The following NR1H4 variants were observed in gnomAD, a reference collection of about 807,000 sequenced individuals.
NR1H4 encodes nuclear receptor subfamily 1 group H member 4, also known as bile acid receptor.
A neutral mutation model predicts 58.5 loss-of-function variants in NR1H4; 23 were observed. The ratio of observed to expected loss-of-function variants is 0.39; its 90% CI spans 0.28 to 0.56. The LOEUF (loss-of-function observed/expected upper bound fraction) is 0.56. NR1H4 is among the 20% of genes least tolerant of loss of function. The pLI is 0.58. For missense variants in NR1H4, 487 were observed against 576.9 expected (o/e 0.84, Z 1.60); for synonymous variants, 214 against 198.0 (o/e 1.08, Z -0.68).
chr12:100,553,169 G>T (rs925824811), intron 9 of NR1H4, among the ~76,000 whole-genome samples: 14 of 152,012 alleles, frequency 9.2e-5, no homozygotes, highest in Non-Finnish European at 1.5e-4. Flanking sequence ...TAGCTAATTT[G>T]TTGTATTTTT....
chr12:100,526,727 A>G (rs940736084), intron 4 of NR1H4, among the ~76,000 whole-genome samples: 1 of 152,160 alleles, frequency 6.6e-6, no homozygotes, highest in African/African-American at 2.4e-5. Context: ...GAGCTACATC[A>G]TTAGAGATCT....
intron 4 of NR1H4, among the ~76,000 whole-genome samples, chr12:100,513,834 AAGGAAGGAAGGAAGG>A: frequency 7.1e-6 from 1 of 141,014 alleles, no homozygotes; most frequent in Non-Finnish European, 1.5e-5. Context: ...GGAAGGAAGG[AAGGAAGGAAGGAAGG>A]AAGGAAGGAA....
Position 100,474,657 on chromosome 12 carries a change from G to A in NR1H4, c.-190+598G>A, listed in dbSNP as rs59663433. Among the ~76,000 whole-genome samples, 1,109 of 152,288 alleles carry A rather than the reference G, an allele frequency of 7.3e-3. 12 individuals carry two copies. Among genetic ancestry groups the A allele is most frequent in the African/African-American group, 0.025 (1,055 of 41,550 alleles). ...TAAAAGATAGAAATGTGAGTATGAC[G>A]AAGAACTTTAGTAATAAAATTGTCC... On this transcript the variant is annotated intron_variant, in intron 1 of 10. Coordinates refer to ENST00000392986, the MANE Select transcript of NR1H4 (RefSeq NM_001206979.2).
intron 9 of NR1H4, among the ~76,000 whole-genome samples, chr12:100,546,886 C>G (rs985718057): frequency 1.1e-4 from 17 of 152,096 alleles, no homozygotes; most frequent in African/African-American, 3.9e-4. Flanking sequence ...AACTCTTTGT[C>G]TTTCTTTCAC....
At chr12:100,495,740 C>CA (rs201311922) in intron 3 of NR1H4, among the ~76,000 whole-genome samples, 5,174 of 146,574 alleles carry the variant, frequency 0.035, 239 homozygotes, top group African/African-American at 0.11. Context: ...GAAAAACAAA[C>CA]AAAAAAAAAA....
chr12:100,508,189 T>G (rs760329522), intron 3 of NR1H4, among the ~76,000 whole-genome samples: 8 of 151,698 alleles, frequency 5.3e-5, no homozygotes, highest in Non-Finnish European at 1.2e-4. Context: ...TGGACATTAG[T>G]GAGATGAAGC....
At chr12:100,511,308 T>C (rs1477679528) in intron 4 of NR1H4, among the ~76,000 whole-genome samples, 165 bp downstream of exon 4, 1 of 152,266 alleles carries the variant, frequency 6.6e-6, no homozygotes. Flanking sequence ...CAAAGATCTG[T>C]AGGAAAAGAC....
chr12:100,523,000 T>C (rs936868897), intron 4 of NR1H4, among the ~76,000 whole-genome samples: 1 of 152,202 alleles, frequency 6.6e-6, no homozygotes, highest in African/African-American at 2.4e-5. Flanking sequence ...AATTGTGAAT[T>C]GGGTTGCAAT....
At position 100,510,868 on chromosome 12, in the gene NR1H4, T is replaced by C; in HGVS notation, c.170T>C (p.Val57Ala). ...TACAGCAATGTTCAGTTTCCCCAAG[T>C]TCAACCACAGATTTCCTCGTCATCC... Reference protein sequence around the residue: ...SQYSNVQFPQVQPQISSSSYY... With the variant: ...SQYSNVQFPQAQPQISSSSYY... Residue 57 changes from valine (V) to alanine (A), a missense_variant, in exon 4 of 11, where the codon GTT becomes GCT. Coordinates refer to ENST00000392986, the MANE Select transcript of NR1H4 (RefSeq NM_001206979.2). The C allele has an allele frequency of 6.2e-7, 1 of 1,614,162 alleles. No individual in the cohort carries two copies. The highest frequency in any genetic ancestry group is 8.5e-7 in the Non-Finnish European group (1 of 1,180,030).
chr12:100,524,836 C>T (rs74583193), intron 4 of NR1H4, among the ~76,000 whole-genome samples: 1,534 of 152,132 alleles, frequency 0.01, 27 homozygotes, highest in African/African-American at 0.035. Context: ...TCTTCCCTCC[C>T]AACAAACATG....
chr12:100,503,315 G>A, intron 3 of NR1H4: 2 of 1,527,994 alleles, frequency 1.3e-6, no homozygotes, highest in Non-Finnish European at 1.8e-6. Context: ...AAGTTAATCA[G>A]TAAACCACAC....
intron 4 of NR1H4, among the ~76,000 whole-genome samples, chr12:100,511,574 A>G (rs990961002): frequency 2.0e-5 from 3 of 152,138 alleles, no homozygotes; most frequent in Non-Finnish European, 2.9e-5. Flanking sequence ...CATGTACTTT[A>G]GTTAATTGAG....
At chr12:100,526,193 A>T (rs905938290) in intron 4 of NR1H4, among the ~76,000 whole-genome samples, 5 of 144,000 alleles carry the variant, frequency 3.5e-5, no homozygotes, top group African/African-American at 5.1e-5. Context: ...AATTTTAAGT[A>T]TTTTTTTTTT....
At chr12:100,553,200 G>A (rs528175190) in intron 9 of NR1H4, among the ~76,000 whole-genome samples, 133 of 152,222 alleles carry the variant, frequency 8.7e-4, no homozygotes, top group African/African-American at 2.6e-3. Flanking sequence ...GGGTTTCACC[G>A]TGTTAGCCAG....
intron 4 of NR1H4, among the ~76,000 whole-genome samples, chr12:100,522,697 C>A (rs1954457851): frequency 6.6e-6 from 1 of 151,878 alleles, no homozygotes; most frequent in Non-Finnish European, 1.5e-5. Context: ...GTTTTTTATC[C>A]CACACTTTTC....
chr12:100,491,849 G>A (rs1329342413), intron 1 of NR1H4, among the ~76,000 whole-genome samples: 3 of 151,780 alleles, frequency 2.0e-5, no homozygotes, highest in East Asian at 3.9e-4. Context: ...CTCTAGTATC[G>A]CCCATCTTTA....
At chr12:100,558,118 T>C (rs920129903) in intron 9 of NR1H4, among the ~76,000 whole-genome samples, 1 of 150,162 alleles carries the variant, frequency 6.7e-6, no homozygotes, top group African/African-American at 2.5e-5. Flanking sequence ...CCCAGCACTT[T>C]GGGAGGCTGA....
intron 3 of NR1H4, among the ~76,000 whole-genome samples, chr12:100,500,391 G>A (rs183720940): frequency 3.4e-4 from 52 of 152,200 alleles, no homozygotes; most frequent in African/African-American, 8.9e-4. Context: ...ATACTCTGCC[G>A]AACAGTGCCA....
intron 9 of NR1H4, among the ~76,000 whole-genome samples, chr12:100,544,112 C>T (rs534386066): frequency 2.6e-5 from 4 of 151,918 alleles, no homozygotes; most frequent in Middle Eastern, 3.4e-3. Context: ...ATTAGTCAGG[C>T]GTGGTGGCGG....
Sources: gnomAD v4.1 joint callset for allele counts (sites outside exome capture counted in the v4.1 genomes callset) on GRCh38, gnomAD v4.1.1 for gene constraint, MANE v1.5 for transcripts, NCBI Gene and HGNC (gene_info 2026-07-23, HGNC 2026-07-21) for gene names.